The following KALRN variants were observed in gnomAD, a reference collection of about 807,000 sequenced individuals.
The protein encoded by KALRN is kalirin RhoGEF kinase, also known as kalirin.
A neutral mutation model predicts 353.7 loss-of-function variants in KALRN; 70 were observed. That is an observed-to-expected ratio of 0.20 (90% CI 0.16 to 0.24). The LOEUF (loss-of-function observed/expected upper bound fraction) is 0.24, where lower values mean the gene tolerates loss of function less well. KALRN is among the 10% of genes least tolerant of loss of function. KALRN has a pLI of 1.00. For synonymous variants in KALRN, 1,391 were observed against 1,434.8 expected (o/e 0.97, Z 0.69); for missense variants, 2,791 against 3,756.7 (o/e 0.74, Z 6.72).
chr3:124,237,278 A>T (rs1480370889), intron 3 of KALRN, among the ~76,000 whole-genome samples: 2 of 152,126 alleles, frequency 1.3e-5, no homozygotes, highest in African/African-American at 2.4e-5. Context: ...CAGATCCAGG[A>T]TGCTAAAAAG....
chr3:124,182,403 C>G (rs965631167), intron 1 of KALRN, among the ~76,000 whole-genome samples: 12 of 152,162 alleles, frequency 7.9e-5, no homozygotes, highest in African/African-American at 2.9e-4. Context: ...GGCAGTTCCT[C>G]AAGGGTTTTG....
At chr3:124,262,359 T>C (rs1022987167) in intron 3 of KALRN, among the ~76,000 whole-genome samples, 2 of 152,170 alleles carry the variant, frequency 1.3e-5, no homozygotes, top group African/African-American at 4.8e-5. Context: ...TTAGCATCTC[T>C]TGCATGGATC....
rs146371594 is a variant in KALRN, at chr3:124,273,863, G to A, written c.969+4608G>A. ...AATGGGCCTGTCCTCCACTGTATTC[G>A]CAGAACACAAGCCAGGTCACCACTC... is the stretch of plus-strand genomic sequence containing the variant. On this transcript the variant is annotated intron_variant, in intron 5 of 59. Coordinates refer to ENST00000682506, the MANE Select transcript of KALRN (RefSeq NM_001388419.1). 4.6e-5 allele frequency among the ~76,000 whole-genome samples: 7 copies of A among 152,282 alleles called. No individual in the cohort carries two copies. In the East Asian group the frequency reaches 5.8e-4, roughly 13 times the overall value.
Position 124,273,519 on chromosome 3 carries a change from A to G in KALRN, c.969+4264A>G, listed in dbSNP as rs2074383413. ...AAGTGGCACATATTTAACATATATGATCTGATAAGTTTGGACATACGTATA... is the reference window on the plus strand; with the variant it reads ...AAGTGGCACATATTTAACATATATGGTCTGATAAGTTTGGACATACGTATA... On this transcript the variant is annotated intron_variant, in intron 5 of 59. Coordinates refer to ENST00000682506, the MANE Select transcript of KALRN (RefSeq NM_001388419.1). Among the ~76,000 whole-genome samples, 4 of 152,338 alleles carry G rather than the reference A, an allele frequency of 2.6e-5. No homozygotes were observed. In the South Asian group the frequency reaches 8.3e-4, roughly 32 times the overall value.
At chr3:124,657,963 G>T (rs1480799937) in intron 41 of KALRN, among the ~76,000 whole-genome samples, 160 bp downstream of exon 41, 1 of 152,056 alleles carries the variant, frequency 6.6e-6, no homozygotes, top group African/African-American at 2.4e-5. Context: ...GACCAGCCTG[G>T]GCAACATAGT....
chr3:124,138,001 A>C (rs2066141486), intron 1 of KALRN, among the ~76,000 whole-genome samples: 2 of 152,190 alleles, frequency 1.3e-5, no homozygotes, highest in Non-Finnish European at 2.9e-5. Context: ...GAACAGCCCT[A>C]GTCGGAGCTT....
chr3:124,180,833 C>T (rs2073467122), intron 1 of KALRN, among the ~76,000 whole-genome samples: 3 of 151,846 alleles, frequency 2.0e-5, no homozygotes, highest in Admixed American at 2.0e-4. Context: ...CTGTCTCTCA[C>T]CCCACTTCCT....
At chr3:124,544,041 A>G (rs1299851278) in intron 33 of KALRN, among the ~76,000 whole-genome samples, 3 of 152,188 alleles carry the variant, frequency 2.0e-5, no homozygotes. Flanking sequence ...CCAAATATAA[A>G]TAACATGGAA....
rs550661344 is a variant in KALRN, at chr3:124,717,074, G to A, written c.8277-173G>A. On this transcript the variant is annotated intron_variant, in intron 58 of 59. Coordinates refer to ENST00000682506, the MANE Select transcript of KALRN (RefSeq NM_001388419.1). ...TTGTAAATATATTTATTTTAGTTCTGAATATTACAATAACTTTAGGCTCTA... is the reference window on the plus strand; with the variant it reads ...TTGTAAATATATTTATTTTAGTTCTAAATATTACAATAACTTTAGGCTCTA... Among the ~76,000 whole-genome samples, 22 of 152,252 alleles carry A rather than the reference G, an allele frequency of 1.4e-4. No individual in the cohort carries two copies. The Middle Eastern group carries it at 0.01, about 71-fold the overall frequency.
intron 1 of KALRN, among the ~76,000 whole-genome samples, chr3:124,227,158 C>T (rs1470865657): frequency 1.3e-5 from 2 of 152,190 alleles, no homozygotes; most frequent in African/African-American, 4.8e-5. Flanking sequence ...TTCCTCCAGG[C>T]ACATCTTTAG....
intron 33 of KALRN, among the ~76,000 whole-genome samples, chr3:124,547,955 A>G (rs1053092242): frequency 6.6e-6 from 1 of 152,144 alleles, no homozygotes; most frequent in Admixed American, 6.6e-5. Flanking sequence ...CAGGTTTTCT[A>G]TAACTTGCCC....
chr3:124,664,688 C>T (rs929894939), intron 45 of KALRN, among the ~76,000 whole-genome samples: 8 of 152,138 alleles, frequency 5.3e-5, no homozygotes, highest in Admixed American at 1.3e-4. Flanking sequence ...GGATTACAGG[C>T]GTGAGCCACT....
intron 3 of KALRN, among the ~76,000 whole-genome samples, chr3:124,241,549 C>A (rs895393273): frequency 2.6e-5 from 4 of 152,140 alleles, no homozygotes; most frequent in Non-Finnish European, 4.4e-5. Context: ...GTGTCAATAT[C>A]AAACAAAAAG....
At chr3:124,471,724 G>A (rs1174524245) in intron 25 of KALRN, among the ~76,000 whole-genome samples, 1 of 151,990 alleles carries the variant, frequency 6.6e-6, no homozygotes, top group African/African-American at 2.4e-5. Flanking sequence ...AGCACTTTGG[G>A]AGGCCGAGGT....
At chr3:124,371,580 A>T (rs1312791239) in intron 10 of KALRN, among the ~76,000 whole-genome samples, 1 of 152,146 alleles carries the variant, frequency 6.6e-6, no homozygotes, top group African/African-American at 2.4e-5. Flanking sequence ...TTCTTACAAA[A>T]ATAAGGAAAC....
At chr3:124,242,237 G>T (rs548392535) in intron 3 of KALRN, among the ~76,000 whole-genome samples, 1 of 152,288 alleles carries the variant, frequency 6.6e-6, no homozygotes, top group East Asian at 1.9e-4. Context: ...GTAACAACTA[G>T]CATTTATTAA....
intron 10 of KALRN, among the ~76,000 whole-genome samples, chr3:124,369,830 T>C (rs1232870460): frequency 1.4e-5 from 2 of 142,290 alleles, no homozygotes; most frequent in Non-Finnish European, 3.0e-5. Flanking sequence ...TGAGATCAAC[T>C]TTTTTAGATT....
chr3:124,464,857 CAAA>C (rs4048324), intron 25 of KALRN, among the ~76,000 whole-genome samples: 44 of 87,372 alleles, frequency 5.0e-4, no homozygotes, highest in Admixed American at 4.9e-3. Flanking sequence ...GCAATAGAAC[CAAA>C]AAAAAAAAAA....
chr3:124,154,209 G>A (rs1315581597), intron 1 of KALRN, among the ~76,000 whole-genome samples: 1 of 152,202 alleles, frequency 6.6e-6, no homozygotes, highest in African/African-American at 2.4e-5. Flanking sequence ...ACAAGACAGG[G>A]ATGCCCTCTC....
Sources: gnomAD v4.1 joint callset for allele counts (sites outside exome capture counted in the v4.1 genomes callset) on GRCh38, gnomAD v4.1.1 for gene constraint, MANE v1.5 for transcripts, NCBI Gene and HGNC (gene_info 2026-07-23, HGNC 2026-07-21) for gene names.